WASHC5: variants seen among roughly 807,000 people sequenced by gnomAD.
The protein encoded by WASHC5 is WASH complex subunit strumpellin.
In WASHC5, 101 loss-of-function variants were observed where a neutral mutation model predicts 150.4. The observed-to-expected ratio is 0.67, with a 90% CI of 0.57 to 0.79. WASHC5 has a LOEUF of 0.79. Among genes scored for constraint, WASHC5 ranks in the 30% least tolerant of loss-of-function variants. The pLI, the probability that WASHC5 is intolerant of heterozygous loss-of-function variation, is 0.00. For missense variants in WASHC5, 1,195 were observed against 1,396.3 expected (o/e 0.86, Z 2.30); for synonymous variants, 467 against 491.2 (o/e 0.95, Z 0.65).
At chr8:125,048,484 G>A (rs1368705049) in intron 19 of WASHC5, among the ~76,000 whole-genome samples, 2 of 152,176 alleles carry the variant, frequency 1.3e-5, no homozygotes, top group Non-Finnish European at 2.9e-5. Flanking sequence ...TCAAAACCAT[G>A]ATGAGATACC....
chr8:125,080,264 AGCC>A (rs33976254), intron 5 of WASHC5, among the ~76,000 whole-genome samples: 28,504 of 152,164 alleles, frequency 0.19, 3,143 homozygotes, highest in Middle Eastern at 0.35. Flanking sequence ...GGGCTTCATA[AGCC>A]AATATTTTTT....
chr8:125,040,227 A>G (rs967987473), intron 23 of WASHC5, among the ~76,000 whole-genome samples: 4 of 152,166 alleles, frequency 2.6e-5, no homozygotes, highest in East Asian at 1.9e-4. Flanking sequence ...ACCTTTTGGA[A>G]TAAGTGCTCC....
chr8:125,076,460 A>C lies in WASHC5; in HGVS notation c.752T>G (p.Leu251Arg), dbSNP rs1251586680. Residue 251 changes from leucine (L) to arginine (R), a missense_variant, in exon 7 of 29, where the codon CTG becomes CGG. Leu to Arg is a moderately radical substitution (Grantham distance 102). This residue lies in a region of WASHC5 where 997 missense variants were observed against 1,168.1 expected (regional missense o/e 0.85). Coordinates refer to ENST00000318410, the MANE Select transcript of WASHC5 (RefSeq NM_014846.4). The part of the protein sequence containing the change: ...YPLPEHRSTA[L>R]ANQAAMLYVI... ...GTACAGCATGGCAGCTTGGTTTGCCAGGGCTGTGCTGCGATGCTCCGGCAA... is the reference window on the plus strand; with the variant it reads ...GTACAGCATGGCAGCTTGGTTTGCCCGGGCTGTGCTGCGATGCTCCGGCAA... 1 of 1,614,078 alleles carries C rather than the reference A, an allele frequency of 6.2e-7. No individual in the cohort carries two copies. Among genetic ancestry groups the C allele is most frequent in the Non-Finnish European group, 8.5e-7 (1 of 1,179,972 alleles).
chr8:125,038,630 G>A (rs763620282), intron 25 of WASHC5, among the ~76,000 whole-genome samples, 200 bp downstream of exon 25: 19 of 152,136 alleles, frequency 1.2e-4, no homozygotes, highest in Non-Finnish European at 2.5e-4. Context: ...TTTCACCAGC[G>A]CTATAGCACT....
intron 26 of WASHC5, among the ~76,000 whole-genome samples, chr8:125,036,649 G>A (rs1298602905): frequency 6.6e-6 from 1 of 152,078 alleles, no homozygotes; most frequent in Non-Finnish European, 1.5e-5. Context: ...TCCCATCTGA[G>A]TGACTGAGTG....
At chr8:125,048,888 C>G (rs1205158365) in intron 19 of WASHC5, 118 bp downstream of exon 19, 1 of 814,848 alleles carries the variant, frequency 1.2e-6, no homozygotes, top group African/African-American at 1.7e-5. Context: ...TGAAAGTACT[C>G]TGAAGGTACT....
rs1429505649 is a variant in WASHC5 at position 125,043,921 on chromosome 8, T to C, written c.2771-17A>G. ...TTGAATTTGCTGAAAAGTTAAAACA[T>C]AATTTTCTCTTTAGTACATTCGTAA... On this transcript the variant is annotated splice_polypyrimidine_tract_variant and intron_variant, in intron 22 of 28. Transcript: ENST00000318410. The C allele has an allele frequency of 4.4e-6, 7 of 1,604,932 alleles. No homozygotes were observed. The highest frequency in any genetic ancestry group is 1.3e-5 in the African/African-American group (1 of 74,594).
intron 21 of WASHC5, 112 bp from the exon 22 acceptor site, chr8:125,044,206 A>T: frequency 1.3e-6 from 1 of 778,850 alleles, no homozygotes; most frequent in Non-Finnish European, 2.2e-6. Context: ...GTCACACAAA[A>T]CCTCTAAACA....
chr8:125,057,843 T>TA (rs374183971), intron 14 of WASHC5, among the ~76,000 whole-genome samples, 177 bp from the exon 15 acceptor site: 114 of 152,192 alleles, frequency 7.5e-4, no homozygotes, highest in Admixed American at 2.9e-3. Context: ...CAGTGGTTCT[T>TA]AAACTGTGCT....
Position 125,073,414 on chromosome 8 carries a change from C to G in WASHC5, c.979-90G>C, listed in dbSNP as rs1373972266. ...AAATGAATTCACTGACAAATAGTAA[C>G]ATTTCTATATAGGATGAATGACATA... is the stretch of plus-strand genomic sequence containing the variant. On this transcript the variant is annotated intron_variant, in intron 8 of 28. Coordinates refer to ENST00000318410, the MANE Select transcript of WASHC5 (RefSeq NM_014846.4). 8 of 1,071,488 alleles carry G rather than the reference C, an allele frequency of 7.5e-6. No homozygotes were observed. The Admixed American group carries it at 1.3e-4, about 18-fold the overall frequency. 66.4% of individuals were successfully genotyped at this position (1,071,488 alleles called of 1,614,324 possible).
chr8:125,026,498 A>C (rs1003607874), intron 28 of WASHC5, among the ~76,000 whole-genome samples: 1 of 152,158 alleles, frequency 6.6e-6, no homozygotes, highest in Non-Finnish European at 1.5e-5. Context: ...GGAATTTCTG[A>C]GAGCTGATAC....
intron 9 of WASHC5, among the ~76,000 whole-genome samples, chr8:125,068,410 A>T (rs551890795): frequency 2.3e-4 from 35 of 152,128 alleles, no homozygotes; most frequent in Non-Finnish European, 3.8e-4. Flanking sequence ...CATTGTCATG[A>T]CTCACTGCTG....
intron 21 of WASHC5, 118 bp downstream of exon 21, chr8:125,044,418 A>G (rs1420200188): frequency 2.6e-6 from 3 of 1,135,496 alleles, no homozygotes; most frequent in Non-Finnish European, 4.0e-6. Context: ...TCATATGCCT[A>G]AAGTCAGTGT....
In WASHC5 at chr8:125,049,201, A is replaced by C; in HGVS notation, c.2200-16T>G. 1 of 1,613,760 alleles carries C rather than the reference A, an allele frequency of 6.2e-7. No individual in the cohort carries two copies. Among genetic ancestry groups the C allele is most frequent in the Non-Finnish European group, 8.5e-7 (1 of 1,179,670 alleles). On this transcript the variant is annotated splice_polypyrimidine_tract_variant and intron_variant, in intron 18 of 28. Transcript: ENST00000318410. Reference sequence around the variant, plus strand: ...ATTCACTTGGCTGTGGAAAAGGGGAAACATAAAGCTCTTACACTGGAGTAG... The same window carrying C: ...ATTCACTTGGCTGTGGAAAAGGGGACACATAAAGCTCTTACACTGGAGTAG...
chr8:125,081,458 A>G lies in WASHC5; in HGVS notation c.518+203T>C, dbSNP rs7813244. Among the ~76,000 whole-genome samples the G allele has an allele frequency of 0.13, 19,718 of 152,112 alleles. 3,121 individuals carry two copies. Among genetic ancestry groups the G allele is most frequent in the African/African-American group, 0.38 (15,645 of 41,434 alleles). On this transcript the variant is annotated intron_variant, in intron 5 of 28. Coordinates refer to ENST00000318410, the MANE Select transcript of WASHC5 (RefSeq NM_014846.4). ...TCACCATGTTGGCCAGGCTGGTATC[A>G]AACTCCTGACCTCAGATGATCTGCC...
chr8:125,082,957 A>G (rs1303226454), intron 3 of WASHC5, 156 bp downstream of exon 3: 3 of 563,762 alleles, frequency 5.3e-6, no homozygotes, highest in Non-Finnish European at 3.1e-6. Context: ...AATTCTTAAG[A>G]TGACCAGTGC....
intron 10 of WASHC5, among the ~76,000 whole-genome samples, chr8:125,067,316 C>T (rs1235378586): frequency 6.6e-6 from 1 of 152,150 alleles, no homozygotes; most frequent in Non-Finnish European, 1.5e-5. Flanking sequence ...CTGCACTTGG[C>T]CTAGTGTGAT....
At chr8:125,041,744 A>G (rs1457812939) in intron 23 of WASHC5, among the ~76,000 whole-genome samples, 1 of 152,192 alleles carries the variant, frequency 6.6e-6, no homozygotes, top group Non-Finnish European at 1.5e-5. Context: ...CAGATGTATT[A>G]TTTTTGACCA....
rs57043871 is a variant in WASHC5 at position 125,079,116 on chromosome 8, GTA to G, written c.519-188_519-187del. 6.4e-3 allele frequency among the ~76,000 whole-genome samples: 626 copies of G among 97,902 alleles called. 12 individuals carry two copies. Among genetic ancestry groups the G allele is most frequent in the African/African-American group, 0.023 (507 of 21,754 alleles). 64.2% of individuals were successfully genotyped at this position (97,902 alleles called of 152,430 possible). A position where few individuals can be genotyped will look rare whatever the true frequency, so the allele number is the denominator to read the frequency against. On this transcript the variant is annotated intron_variant, in intron 5 of 28. Transcript: ENST00000318410. The stretch of plus-strand genomic sequence containing the variant: ...TGTGTATATATATGTGTGTGTGTGT[GTA>G]TATATATATATATATATATATACAT...
Sources: gnomAD v4.1 joint callset for allele counts (sites outside exome capture counted in the v4.1 genomes callset) on GRCh38, gnomAD v4.1.1 for gene constraint, gnomAD v4.1.1 regional missense constraint, MANE v1.5 for transcripts, NCBI Gene and HGNC (gene_info 2026-07-23, HGNC 2026-07-21) for gene names.